Variants in ZNF804B observed in about 807,000 individuals in gnomAD.
ZNF804B encodes zinc finger 804B.
ZNF804B carries 80 observed loss-of-function variants against 101.4 expected under a neutral mutation model. The ratio of observed to expected loss-of-function variants is 0.79; its 90% CI spans 0.66 to 0.95. The LOEUF (loss-of-function observed/expected upper bound fraction) is 0.95. Among genes scored for constraint, ZNF804B ranks in the 40% least tolerant of loss-of-function variants. The pLI, the probability that ZNF804B is intolerant of heterozygous loss-of-function variation, is 0.00. For synonymous variants in ZNF804B, 622 were observed against 558.8 expected (o/e 1.11, Z -1.59); for missense variants, 1,673 against 1,561.9 (o/e 1.07, Z -1.20).
chr7:89,086,308 T>A lies in ZNF804B; in HGVS notation c.109-131847T>A, dbSNP rs17396470. Among the ~76,000 whole-genome samples, 758 of 152,126 alleles carry A rather than the reference T, an allele frequency of 5.0e-3. 6 individuals are homozygous for A. Among genetic ancestry groups the A allele is most frequent in the Middle Eastern group, 0.017 (5 of 294 alleles). On this transcript the variant is annotated intron_variant, in intron 1 of 3. Transcript: ENST00000333190. ...ATTTCGTGATGCAGAAATGTAATGTTAAGTCATCATTTATTCTATAATAGA... is the reference window on the plus strand; with the variant it reads ...ATTTCGTGATGCAGAAATGTAATGTAAAGTCATCATTTATTCTATAATAGA...
chr7:88,808,130 G>A (rs907304606), intron 1 of ZNF804B, among the ~76,000 whole-genome samples: 2 of 152,120 alleles, frequency 1.3e-5, no homozygotes, highest in African/African-American at 4.8e-5. Context: ...GGTGGCTCAT[G>A]CCTGTAATCC....
intron 1 of ZNF804B, among the ~76,000 whole-genome samples, chr7:89,156,099 TTC>T (rs1247956728): frequency 2.4e-5 from 3 of 124,002 alleles, no homozygotes; most frequent in East Asian, 2.1e-4. Context: ...CTTTCTTTCT[TTC>T]TCTCTTTCTC....
At chr7:89,130,611 C>T (rs1859117) in intron 1 of ZNF804B, among the ~76,000 whole-genome samples, 77,289 of 151,706 alleles carry the variant, frequency 0.51, 21,079 homozygotes, top group African/African-American at 0.72. Context: ...GAAATGAATA[C>T]GAGAGAAGAC....
At chr7:88,776,083 T>C (rs1790136171) in intron 1 of ZNF804B, among the ~76,000 whole-genome samples, 1 of 152,210 alleles carries the variant, frequency 6.6e-6, no homozygotes, top group Non-Finnish European at 1.5e-5. Flanking sequence ...CAGGCTCAGG[T>C]TGTTCACTTG....
At chr7:88,916,781 A>C (rs1040164528) in intron 1 of ZNF804B, among the ~76,000 whole-genome samples, 2 of 152,176 alleles carry the variant, frequency 1.3e-5, no homozygotes, top group Non-Finnish European at 2.9e-5. Context: ...GACATATTGT[A>C]ATATAAATCC....
In ZNF804B at chr7:89,336,399, C is replaced by T. The variant is rs1465455445; in HGVS notation, c.3417C>T (p.Ile1139=). ...EDGLEMCHKS[I]SPPLIQQPIT... ...GATTAGAAATGTGTCATAAATCTATCTCTCCCCCTTTAATTCAACAGCCCA... is the reference window on the plus strand; with the variant it reads ...GATTAGAAATGTGTCATAAATCTATTTCTCCCCCTTTAATTCAACAGCCCA... Residue 1139 remains isoleucine, a synonymous_variant, in exon 4 of 4, where the codon ATC becomes ATT. Transcript: ENST00000333190. 6.2e-7 allele frequency: 1 copy of T among 1,613,992 alleles called. No individual in the cohort carries two copies. The highest frequency in any genetic ancestry group is 8.5e-7 in the Non-Finnish European group (1 of 1,179,978).
chr7:88,856,623 G>C (rs1322540780), intron 1 of ZNF804B, among the ~76,000 whole-genome samples: 1 of 151,980 alleles, frequency 6.6e-6, no homozygotes, highest in Admixed American at 6.6e-5. Flanking sequence ...AATTGCCCTG[G>C]CTAGAACTTC....
At chr7:89,021,143 A>G (rs1788660132) in intron 1 of ZNF804B, among the ~76,000 whole-genome samples, 1 of 152,214 alleles carries the variant, frequency 6.6e-6, no homozygotes, top group Non-Finnish European at 1.5e-5. Context: ...AGATGGTCTT[A>G]GAATATCAGT....
At chr7:89,243,584 T>G (rs1789400647) in intron 2 of ZNF804B, among the ~76,000 whole-genome samples, 1 of 151,834 alleles carries the variant, frequency 6.6e-6, no homozygotes. Context: ...CCCTACCTAG[T>G]AGGAAAGAAT....
At chr7:89,012,971 C>T (rs1788487458) in intron 1 of ZNF804B, among the ~76,000 whole-genome samples, 1 of 152,144 alleles carries the variant, frequency 6.6e-6, no homozygotes, top group Non-Finnish European at 1.5e-5. Flanking sequence ...GCAGAAGGCA[C>T]ATCTTCCCAG....
At chr7:89,255,152 T>A (rs1482777372) in intron 2 of ZNF804B, among the ~76,000 whole-genome samples, 1 of 152,104 alleles carries the variant, frequency 6.6e-6, no homozygotes, top group Non-Finnish European at 1.5e-5. Flanking sequence ...GTAGGCGCCT[T>A]CTTCACAGGG....
intron 1 of ZNF804B, among the ~76,000 whole-genome samples, chr7:89,164,102 A>G (rs1264352445): frequency 3.3e-5 from 5 of 151,956 alleles, no homozygotes; most frequent in Non-Finnish European, 7.4e-5. Context: ...CACCGAAAAT[A>G]CTCATTTTGT....
intron 1 of ZNF804B, among the ~76,000 whole-genome samples, chr7:88,976,186 A>C (rs763412852): frequency 6.6e-6 from 1 of 151,534 alleles, no homozygotes; most frequent in East Asian, 1.9e-4. Flanking sequence ...AGGTAATGTA[A>C]TTCTTCCGTT....
chr7:89,087,975 C>G (rs1248807907), intron 1 of ZNF804B, among the ~76,000 whole-genome samples: 1 of 138,518 alleles, frequency 7.2e-6, no homozygotes, highest in Non-Finnish European at 1.5e-5. Flanking sequence ...TAAGCTTACA[C>G]ATATATGTAT....
chr7:89,169,187 C>T (rs1562903726), intron 1 of ZNF804B, among the ~76,000 whole-genome samples: 1 of 152,118 alleles, frequency 6.6e-6, no homozygotes, highest in Non-Finnish European at 1.5e-5. Context: ...TGGTGGGGAA[C>T]AGCAGTGGTG....
At chr7:89,105,238 C>T (rs957608162) in intron 1 of ZNF804B, among the ~76,000 whole-genome samples, 2 of 152,018 alleles carry the variant, frequency 1.3e-5, no homozygotes, top group Non-Finnish European at 2.9e-5. Context: ...AGGCTTGACC[C>T]AGCACTCTCT....
chr7:89,080,305 A>AAGTAT (rs1306498647), intron 1 of ZNF804B, among the ~76,000 whole-genome samples: 1 of 151,898 alleles, frequency 6.6e-6, no homozygotes, highest in Non-Finnish European at 1.5e-5. Context: ...AAAAAAAAAA[A>AAGTAT]AGTATATCAT....
At chr7:89,159,294 G>A (rs1330224662) in intron 1 of ZNF804B, among the ~76,000 whole-genome samples, 2 of 152,138 alleles carry the variant, frequency 1.3e-5, no homozygotes, top group African/African-American at 4.8e-5. Flanking sequence ...GAAACTTGAC[G>A]AGGGTATTTG....
At chr7:89,189,215 A>C (rs928683291) in intron 1 of ZNF804B, among the ~76,000 whole-genome samples, 1 of 152,134 alleles carries the variant, frequency 6.6e-6, no homozygotes, top group African/African-American at 2.4e-5. Flanking sequence ...AACATTTTAC[A>C]TCATGGCTTA....
Sources: gnomAD v4.1 joint callset for allele counts (sites outside exome capture counted in the v4.1 genomes callset) on GRCh38, gnomAD v4.1.1 for gene constraint, MANE v1.5 for transcripts, NCBI Gene and HGNC (gene_info 2026-07-23, HGNC 2026-07-21) for gene names.